The following TPST2 variants were observed in gnomAD, a reference collection of about 807,000 sequenced individuals.
The protein encoded by TPST2 is tyrosylprotein sulfotransferase 2, also known as protein-tyrosine sulfotransferase 2.
TPST2 carries 16 observed loss-of-function variants against 27.8 expected under a neutral mutation model. That is an observed-to-expected ratio of 0.58 (90% CI 0.39 to 0.88). The LOEUF (loss-of-function observed/expected upper bound fraction) is 0.88, where lower values mean the gene tolerates loss of function less well. Ranked by LOEUF, TPST2 falls within the 40% of genes least tolerant of loss-of-function variation. TPST2 has a pLI of 0.00. For missense variants in TPST2, 464 were observed against 543.1 expected, an observed-to-expected ratio of 0.85 and a Z score of 1.45; for synonymous variants, 229 against 231.7, an observed-to-expected ratio of 0.99 and a Z score of 0.10.
chr22:26,586,966 C>T lies in TPST2; in HGVS notation c.-161+3087G>A, dbSNP rs573637400. On this transcript the variant is annotated intron_variant, in intron 1 of 6. Transcript: ENST00000338754. ...GTGTGCAGAATGTTCACAGATGAAG[C>T]GTCTGTAACTCAGGACTGCTCATCT... 3.9e-5 allele frequency among the ~76,000 whole-genome samples: 6 copies of T among 152,232 alleles called. No homozygotes were observed. In the South Asian group the frequency reaches 1.0e-3, roughly 26 times the overall value.
rs779996916 is a variant in TPST2, at chr22:26,541,376, G to A, written c.255C>T (p.Arg85=). 7.1e-6 allele frequency: 11 copies of A among 1,557,318 alleles called. No individual in the cohort carries two copies. Among genetic ancestry groups the A allele is most frequent in the South Asian group, 1.2e-5 (1 of 81,716 alleles). The change falls in exon 3 of 7, where the codon CGC becomes CGT. Residue 85 remains arginine, a synonymous_variant. Coordinates refer to ENST00000338754, the MANE Select transcript of TPST2 (RefSeq NM_003595.5). This position sits in a 1 kb window ranked among gnomAD's most constrained non-coding sequence, Gnocchi z 5.9. The stretch of plus-strand genomic sequence containing the variant: ...CCTCGGGGTGCGCGTCCAGCATGGC[G>A]CGCATCAACGTGGTGCCACTGCGAG... ...GVPRSGTTLM[R]AMLDAHPEVR... is the part of the protein sequence containing the mutation.
chr22:26,586,529 C>A (rs1233256833), intron 1 of TPST2, among the ~76,000 whole-genome samples: 2 of 152,200 alleles, frequency 1.3e-5, no homozygotes, highest in African/African-American at 2.4e-5. Context: ...GGATTACAAG[C>A]ATGAGCCATG....
intron 4 of TPST2, among the ~76,000 whole-genome samples, chr22:26,535,415 C>T (rs4149476): frequency 0.058 from 8,890 of 152,200 alleles, 305 homozygotes; most frequent in Middle Eastern, 0.082. Context: ...GTAATGGAAA[C>T]GTATAAATAA....
At chr22:26,580,708 T>C (rs1261960965) in intron 1 of TPST2, among the ~76,000 whole-genome samples, 1 of 152,188 alleles carries the variant, frequency 6.6e-6, no homozygotes, top group Non-Finnish European at 1.5e-5. Context: ...GCCTTCTGGC[T>C]AGAGACGGCC....
At chr22:26,563,041 T>C (rs1602289018) in intron 1 of TPST2, among the ~76,000 whole-genome samples, 2 of 152,166 alleles carry the variant, frequency 1.3e-5, no homozygotes, top group East Asian at 1.9e-4. Context: ...CAAAGAATCA[T>C]CCAGTCCCAA....
At chr22:26,545,361 A>T (rs1926062490) in intron 1 of TPST2, among the ~76,000 whole-genome samples, 1 of 152,178 alleles carries the variant, frequency 6.6e-6, no homozygotes, top group African/African-American at 2.4e-5. Context: ...GACCTTCCTA[A>T]CACTTAATCT....
intron 3 of TPST2, among the ~76,000 whole-genome samples, chr22:26,537,777 G>GGTTA (rs1302452364): frequency 6.6e-6 from 1 of 151,954 alleles, no homozygotes; most frequent in African/African-American, 2.4e-5. Flanking sequence ...TTTTAATAAG[G>GGTTA]GTTAGCATGC....
At chr22:26,556,119 T>C (rs890563391) in intron 1 of TPST2, among the ~76,000 whole-genome samples, 4 of 152,116 alleles carry the variant, frequency 2.6e-5, no homozygotes, top group African/African-American at 9.7e-5. Context: ...ATTACAAAAA[T>C]TGCTGTGAAA....
At chr22:26,556,527 C>T (rs112717515) in intron 1 of TPST2, among the ~76,000 whole-genome samples, 6 of 152,010 alleles carry the variant, frequency 3.9e-5, no homozygotes, top group South Asian at 2.1e-4. Context: ...GCGACAAGAG[C>T]GAAACTCCAT....
At chr22:26,542,625 C>T (rs896802371) in intron 2 of TPST2, among the ~76,000 whole-genome samples, 5 of 152,130 alleles carry the variant, frequency 3.3e-5, no homozygotes, top group South Asian at 2.1e-4. Flanking sequence ...GTTCTACCTG[C>T]GTAGGTGAGG....
intron 1 of TPST2, among the ~76,000 whole-genome samples, chr22:26,567,856 G>A (rs1234057135): frequency 6.6e-6 from 1 of 152,188 alleles, no homozygotes; most frequent in Non-Finnish European, 1.5e-5. Context: ...CAAATTTAAA[G>A]TACATTGTGG....
chr22:26,530,516 C>T (rs929314160), intron 5 of TPST2, among the ~76,000 whole-genome samples: 5 of 151,672 alleles, frequency 3.3e-5, no homozygotes, highest in Non-Finnish European at 7.4e-5. Flanking sequence ...GAATCATTCC[C>T]TTAGAATTCA....
chr22:26,581,019 T>C (rs7290195), intron 1 of TPST2, among the ~76,000 whole-genome samples: 39 of 120,238 alleles, frequency 3.2e-4, no homozygotes, highest in African/African-American at 9.6e-4. Flanking sequence ...TCAACATACA[T>C]ACACACACAC....
At chr22:26,542,373 C>A (rs1230585392) in intron 2 of TPST2, among the ~76,000 whole-genome samples, 1 of 152,016 alleles carries the variant, frequency 6.6e-6, no homozygotes. Context: ...GCACACACCA[C>A]CGCACCTGGC....
chr22:26,550,687 T>C, intron 1 of TPST2: 2 of 984,596 alleles, frequency 2.0e-6, no homozygotes, highest in Non-Finnish European at 2.4e-6. Flanking sequence ...CAACATTCCA[T>C]TGCCATGGCT....
chr22:26,539,724 G>A (rs1461311154), intron 3 of TPST2, among the ~76,000 whole-genome samples: 2 of 152,020 alleles, frequency 1.3e-5, no homozygotes, highest in Non-Finnish European at 2.9e-5. Context: ...AGCTGGGATC[G>A]TGCCACTGCA....
At chr22:26,556,488 C>T (rs942479987) in intron 1 of TPST2, among the ~76,000 whole-genome samples, 6 of 151,976 alleles carry the variant, frequency 3.9e-5, no homozygotes, top group Non-Finnish European at 7.4e-5. Context: ...TGCAGTGAGC[C>T]GAGATCGCGT....
intron 1 of TPST2, among the ~76,000 whole-genome samples, chr22:26,578,160 C>G (rs1392039390): frequency 6.6e-6 from 1 of 152,198 alleles, no homozygotes; most frequent in Non-Finnish European, 1.5e-5. Flanking sequence ...CTCCCAATCG[C>G]TCATTTAATC....
At chr22:26,562,890 T>G (rs1016688817) in intron 1 of TPST2, among the ~76,000 whole-genome samples, 4 of 152,202 alleles carry the variant, frequency 2.6e-5, no homozygotes, top group African/African-American at 9.6e-5. Flanking sequence ...CCCAAAGTGC[T>G]GGGACCAGGG....
Sources: gnomAD v4.1 joint callset for allele counts (sites outside exome capture counted in the v4.1 genomes callset) on GRCh38, gnomAD v4.1.1 for gene constraint, Gnocchi (gnomAD v3.1) non-coding constraint, MANE v1.5 for transcripts, NCBI Gene and HGNC (gene_info 2026-07-23, HGNC 2026-07-21) for gene names.